GATAD2A: variants seen among roughly 807,000 people sequenced by gnomAD.
GATAD2A encodes GATA zinc finger domain containing 2A.
Under a neutral mutation model 68.5 loss-of-function variants are expected in GATAD2A, and 12 were observed. The observed-to-expected ratio is 0.18, with a 90% confidence interval of 0.11 to 0.28. The LOEUF is 0.28. Among genes scored for constraint, GATAD2A ranks in the 10% least tolerant of loss-of-function variants. GATAD2A has a pLI of 1.00. For synonymous variants in GATAD2A, 410 were observed against 375.3 expected, an observed-to-expected ratio of 1.09 and a Z score of -1.07; for missense variants, 755 against 868.5, an observed-to-expected ratio of 0.87 and a Z score of 1.64.
At chr19:19,457,924 C>A (rs1251842686) in intron 1 of GATAD2A, among the ~76,000 whole-genome samples, 1 of 152,088 alleles carries the variant, frequency 6.6e-6, no homozygotes, top group Non-Finnish European at 1.5e-5. Flanking sequence ...CATGCAGGCT[C>A]TCAGTGAGAG....
chr19:19,495,634 TAAAAAA>T (rs3067692), intron 5 of GATAD2A, 114 bp from the exon 6 acceptor site: 37 of 547,256 alleles, frequency 6.8e-5, no homozygotes, highest in East Asian at 2.1e-4. Context: ...CTCTGCTACT[TAAAAAA>T]AAAAAAAAAA....
At chr19:19,426,887 C>T (rs962759855) in intron 1 of GATAD2A, among the ~76,000 whole-genome samples, 2 of 152,190 alleles carry the variant, frequency 1.3e-5, no homozygotes, top group African/African-American at 4.8e-5. Flanking sequence ...ATGTCAGTGG[C>T]ATGGCTGAGC....
chr19:19,483,523 G>A (rs969675264), intron 2 of GATAD2A, among the ~76,000 whole-genome samples: 5 of 152,184 alleles, frequency 3.3e-5, no homozygotes, highest in Admixed American at 1.3e-4. Context: ...TGAGGGAACC[G>A]CAGAGGGGCT....
chr19:19,482,622 T>C (rs2059135494), intron 2 of GATAD2A, among the ~76,000 whole-genome samples: 1 of 152,064 alleles, frequency 6.6e-6, no homozygotes, highest in African/African-American at 2.4e-5. Context: ...TTCCCTGTAC[T>C]GGGAACTGGG....
chr19:19,440,058 C>T, intron 1 of GATAD2A: 1 of 307,530 alleles, frequency 3.3e-6, no homozygotes. Context: ...GTGGTGGTGG[C>T]TCTGCCTACA....
intron 2 of GATAD2A, among the ~76,000 whole-genome samples, chr19:19,473,803 G>A (rs1019778565): frequency 5.3e-5 from 8 of 151,544 alleles, no homozygotes; most frequent in East Asian, 3.9e-4. Flanking sequence ...AAAATTAGCC[G>A]GGCGTAGTGG....
At chr19:19,406,986 C>T (rs1164931274) in intron 1 of GATAD2A, among the ~76,000 whole-genome samples, 2 of 152,330 alleles carry the variant, frequency 1.3e-5, no homozygotes, top group South Asian at 2.1e-4. Context: ...GCTGTGGATT[C>T]TTTAGATCAA....
intron 2 of GATAD2A, among the ~76,000 whole-genome samples, chr19:19,474,382 C>T (rs182359238): frequency 2.1e-4 from 32 of 152,292 alleles, no homozygotes; most frequent in African/African-American, 6.3e-4. Flanking sequence ...TACCATCCCA[C>T]TCCAGAAGGG....
chr19:19,446,080 T>A (rs2055680549), intron 1 of GATAD2A, among the ~76,000 whole-genome samples: 1 of 152,222 alleles, frequency 6.6e-6, no homozygotes. Context: ...TCCACTGTTT[T>A]CCACGTCACT....
intron 1 of GATAD2A, among the ~76,000 whole-genome samples, chr19:19,450,153 G>C (rs1313214619): frequency 6.6e-6 from 1 of 152,174 alleles, no homozygotes; most frequent in Non-Finnish European, 1.5e-5. Flanking sequence ...GAGATGATGG[G>C]ATGGATGTCC....
intron 1 of GATAD2A, among the ~76,000 whole-genome samples, chr19:19,462,557 C>T (rs1332039701): frequency 6.6e-6 from 1 of 152,200 alleles, no homozygotes; most frequent in Non-Finnish European, 1.5e-5. Context: ...GAGTTCCAGG[C>T]CTTAGGCTTC....
intron 1 of GATAD2A, among the ~76,000 whole-genome samples, chr19:19,448,713 G>A (rs1243508873): frequency 1.3e-5 from 2 of 152,086 alleles, no homozygotes; most frequent in African/African-American, 4.8e-5. Context: ...TGGTCTTGAA[G>A]TCCTGATCTC....
At chr19:19,457,093 T>G in intron 1 of GATAD2A, 1 of 985,398 alleles carries the variant, frequency 1.0e-6, no homozygotes, top group Non-Finnish European at 1.2e-6. Flanking sequence ...CTCAGAGCAC[T>G]CCTATCTGTG....
At chr19:19,480,995 C>T (rs1322904902) in intron 2 of GATAD2A, among the ~76,000 whole-genome samples, 1 of 152,198 alleles carries the variant, frequency 6.6e-6, no homozygotes, top group African/African-American at 2.4e-5. Flanking sequence ...TTCATGCACA[C>T]AGGTGACTTC....
Position 19,498,612 on chromosome 19 carries a change from C to G in GATAD2A, c.1094C>G (p.Pro365Arg), listed in dbSNP as rs1463652939. Residue 365 changes from proline to arginine, a missense_variant, in exon 8 of 12, where the codon CCA becomes CGA. Physicochemically the swap from Pro to Arg is moderately radical, Grantham distance 103. Transcript: ENST00000683918. ...QLEKTLLEIP[P>R]PKPPAPEMNF... The stretch of plus-strand genomic sequence containing the variant: ...GAGAAGACGCTACTCGAGATCCCCC[C>G]ACCCAAGCCCCCAGCCCCAGAGATG... 1.1e-5 allele frequency: 18 copies of G among 1,613,720 alleles called. No homozygotes were observed. The highest frequency in any genetic ancestry group is 1.5e-5 in the Non-Finnish European group (18 of 1,179,838).
At chr19:19,467,232 T>C (rs890967986) in intron 2 of GATAD2A, among the ~76,000 whole-genome samples, 1 of 151,976 alleles carries the variant, frequency 6.6e-6, no homozygotes, top group Non-Finnish European at 1.5e-5. Flanking sequence ...AAAAATTAGC[T>C]GGGTGTGGTG....
In GATAD2A at chr19:19,501,162, A is replaced by C. The variant is rs1247251455; in HGVS notation, c.1249A>C (p.Met417Leu). 5 of 1,613,348 alleles carry C rather than the reference A, an allele frequency of 3.1e-6. No individual in the cohort carries two copies. The African/African-American group carries it at 6.7e-5, about 22-fold the overall frequency. The part of the protein sequence containing the change: ...AATVLSREPY[M>L]CAQCKTDFTC... ...CACTGTGCTGTCCCGGGAGCCCTACATGTGTGCACAGTGCAAGACGGACTT... is the reference window on the plus strand; with the variant it reads ...CACTGTGCTGTCCCGGGAGCCCTACCTGTGTGCACAGTGCAAGACGGACTT... Residue 417 changes from methionine to leucine, a missense_variant, in exon 9 of 12, where the codon ATG becomes CTG. Coordinates refer to ENST00000683918, the MANE Select transcript of GATAD2A (RefSeq NM_001384528.1).
At chr19:19,462,232 C>A (rs890872247) in intron 1 of GATAD2A, among the ~76,000 whole-genome samples, 1 of 152,240 alleles carries the variant, frequency 6.6e-6, no homozygotes, top group African/African-American at 2.4e-5. Flanking sequence ...GGGCACTAGT[C>A]CCGCTTGCTT....
chr19:19,450,071 A>ATGAGCCAC (rs1434929901), intron 1 of GATAD2A, among the ~76,000 whole-genome samples: 1 of 152,170 alleles, frequency 6.6e-6, no homozygotes, highest in Non-Finnish European at 1.5e-5. Flanking sequence ...ATTAACAGGC[A>ATGAGCCAC]TGAGCCACTG....
Sources: allele counts gnomAD v4.1 joint callset (sites outside exome capture counted in the v4.1 genomes callset), GRCh38; gene constraint gnomAD v4.1.1; transcripts MANE v1.5; gene names NCBI Gene and HGNC (gene_info 2026-07-23, HGNC 2026-07-21).